The following ATL2 variants were observed in gnomAD, a reference collection of about 807,000 sequenced individuals.
ATL2 encodes atlastin-2.
ATL2 carries 31 observed loss-of-function variants against 73.9 expected under a neutral mutation model. The ratio of observed to expected loss-of-function variants is 0.42; its 90% CI spans 0.32 to 0.57. The LOEUF is 0.57. Ranked by LOEUF, ATL2 falls within the 20% of genes least tolerant of loss-of-function variation. ATL2 has a pLI of 0.14. For missense variants in ATL2, 738 were observed against 702.6 expected (o/e 1.05, Z -0.57); for synonymous variants, 291 against 237.5 (o/e 1.23, Z -2.07).
rs114342656 is a variant in ATL2 at position 38,327,661 on chromosome 2, G to T, written c.364-8642C>A. Among the ~76,000 whole-genome samples, 100 of 152,060 alleles carry T rather than the reference G, an allele frequency of 6.6e-4. 1 individual carries two copies. Among genetic ancestry groups the T allele is most frequent in the Middle Eastern group, 3.4e-3 (1 of 294 alleles). ...CACCAATTAAAAGAAACTGTTGGCC[G>T]GGCACAGTGCACATCTGTAATCCCA... On this transcript the variant is annotated intron_variant, in intron 2 of 12. Transcript: ENST00000378954.
At chr2:38,336,363 C>T (rs1669356278) in intron 2 of ATL2, among the ~76,000 whole-genome samples, 1 of 152,126 alleles carries the variant, frequency 6.6e-6, no homozygotes, top group Admixed American at 6.5e-5. Flanking sequence ...ACATAAAGGA[C>T]AGTTTTTTTA....
chr2:38,362,893 T>C (rs1224131741), intron 1 of ATL2, among the ~76,000 whole-genome samples: 1 of 152,304 alleles, frequency 6.6e-6, no homozygotes, highest in East Asian at 1.9e-4. Flanking sequence ...TCCTACAAGA[T>C]GACATTTGAG....
At chr2:38,365,127 G>C (rs1009510832) in intron 1 of ATL2, among the ~76,000 whole-genome samples, 1 of 126,552 alleles carries the variant, frequency 7.9e-6, no homozygotes, top group African/African-American at 3.1e-5. Context: ...AGTTAGCAAG[G>C]GAATCATACA....
chr2:38,314,285 T>TA (rs1422484723), intron 6 of ATL2, among the ~76,000 whole-genome samples: 1 of 152,214 alleles, frequency 6.6e-6, no homozygotes, highest in African/African-American at 2.4e-5. Context: ...ATTCTGTAGT[T>TA]ACCACGTATA....
At chr2:38,376,369 A>G in intron 1 of ATL2, 1 of 700,150 alleles carries the variant, frequency 1.4e-6, no homozygotes, top group Non-Finnish European at 2.1e-6. Flanking sequence ...AAAACCAGGG[A>G]GCCAAGGATC....
intron 2 of ATL2, among the ~76,000 whole-genome samples, chr2:38,327,554 AAAC>A (rs1249770166): frequency 3.0e-4 from 45 of 151,556 alleles, no homozygotes; most frequent in African/African-American, 1.1e-3. Flanking sequence ...AAAAAAAAAA[AAAC>A]ACCAGAAAAC....
chr2:38,375,749 C>A (rs1330073968), intron 1 of ATL2, among the ~76,000 whole-genome samples: 1 of 152,184 alleles, frequency 6.6e-6, no homozygotes, highest in Non-Finnish European at 1.5e-5. Flanking sequence ...TTAAGAAATC[C>A]AACCAGCACA....
chr2:38,330,217 A>T (rs1441431759), intron 2 of ATL2, among the ~76,000 whole-genome samples: 10 of 115,696 alleles, frequency 8.6e-5, no homozygotes, highest in South Asian at 2.3e-4. Flanking sequence ...TTCAGGATTT[A>T]AAAAAAAAAA....
rs1203525674 is a variant in ATL2 at position 38,295,146 on chromosome 2, G to C, written c.*848C>G. 1 of 152,132 alleles carries C rather than the reference G, an allele frequency of 6.6e-6. No individual in the cohort carries two copies. The highest frequency in any genetic ancestry group is 1.5e-5 in the Non-Finnish European group (1 of 68,040). 9.4% of individuals were successfully genotyped at this position (152,132 alleles called of 1,614,324 possible). ...ACTTATTTAGCCTACCACAGGACCA[G>C]ATTTTGCCATAAACTACAAAACTTT... On this transcript the variant is annotated 3_prime_UTR_variant, in exon 13 of 13. Transcript: ENST00000378954.
At chr2:38,320,679 C>G (rs1047028310) in intron 2 of ATL2, among the ~76,000 whole-genome samples, 3 of 152,020 alleles carry the variant, frequency 2.0e-5, no homozygotes, top group African/African-American at 7.2e-5. Flanking sequence ...CTCAATGTAC[C>G]CCACAGGAAA....
chr2:38,363,445 T>C (rs1475417114), intron 1 of ATL2, among the ~76,000 whole-genome samples: 2 of 151,900 alleles, frequency 1.3e-5, no homozygotes, highest in Admixed American at 6.6e-5. Context: ...CCCTAGTTAA[T>C]ATGTATTTAT....
chr2:38,368,423 T>C (rs1671475591), intron 1 of ATL2, among the ~76,000 whole-genome samples: 1 of 152,086 alleles, frequency 6.6e-6, no homozygotes, highest in Non-Finnish European at 1.5e-5. Context: ...CGGCTAATTT[T>C]GTATTTTTAG....
chr2:38,342,396 T>C (rs1011741229), intron 2 of ATL2, among the ~76,000 whole-genome samples: 2 of 152,152 alleles, frequency 1.3e-5, no homozygotes, highest in African/African-American at 2.4e-5. Flanking sequence ...GGATGTAATA[T>C]AGTCCTAGAT....
chr2:38,360,928 T>C (rs1199001606), intron 1 of ATL2, among the ~76,000 whole-genome samples: 1 of 140,010 alleles, frequency 7.1e-6, no homozygotes, highest in Non-Finnish European at 1.5e-5. Context: ...TGTTGGTAAC[T>C]ACAAAAAAAA....
At chr2:38,307,320 A>G (rs1667503245) in intron 9 of ATL2, among the ~76,000 whole-genome samples, 1 of 151,606 alleles carries the variant, frequency 6.6e-6, no homozygotes, top group African/African-American at 2.4e-5. Flanking sequence ...CTTTTCCCAG[A>G]GCAATGTCCT....
intron 9 of ATL2, among the ~76,000 whole-genome samples, chr2:38,308,906 C>A (rs1281788894): frequency 6.6e-6 from 1 of 151,356 alleles, no homozygotes. Flanking sequence ...CTTGTTCTGG[C>A]AGGCAAGCTA....
intron 2 of ATL2, among the ~76,000 whole-genome samples, chr2:38,324,709 A>G (rs914994426): frequency 2.6e-5 from 4 of 152,220 alleles, no homozygotes; most frequent in Non-Finnish European, 4.4e-5. Flanking sequence ...GAGGAATTTA[A>G]CATATTTTGA....
chr2:38,294,999 G>GT lies in ATL2; in HGVS notation c.*994_*995insA, dbSNP rs1666814339. The GT allele has an allele frequency of 9.1e-6, 1 of 109,452 alleles. No homozygotes were observed. Among genetic ancestry groups the GT allele is most frequent in the African/African-American group, 4.3e-5 (1 of 23,504 alleles). 6.8% of individuals were successfully genotyped at this position (109,452 alleles called of 1,614,324 possible). On this transcript the variant is annotated 3_prime_UTR_variant, in exon 13 of 13. Coordinates refer to ENST00000378954, the MANE Select transcript of ATL2 (RefSeq NM_001135673.4). ...AACATTCCCATTGAATTCCCTTGGT[G>GT]GGCGGGGGGGGGGTGAGATTGCAGT...
intron 2 of ATL2, among the ~76,000 whole-genome samples, chr2:38,337,169 A>G (rs1446539993): frequency 6.6e-6 from 1 of 151,754 alleles, no homozygotes; most frequent in Non-Finnish European, 1.5e-5. Flanking sequence ...GACTATTAAA[A>G]AAAACAAAAA....
Sources: gnomAD v4.1 joint callset for allele counts (sites outside exome capture counted in the v4.1 genomes callset) on GRCh38, gnomAD v4.1.1 for gene constraint, MANE v1.5 for transcripts, NCBI Gene and HGNC (gene_info 2026-07-23, HGNC 2026-07-21) for gene names.